ALCAM: variants seen among roughly 807,000 people sequenced by gnomAD.
The protein encoded by ALCAM is activated leukocyte cell adhesion molecule.
In ALCAM, 30 loss-of-function variants were observed where a neutral mutation model predicts 70.9. The observed-to-expected ratio is 0.42, with a 90% CI of 0.32 to 0.57. The LOEUF (loss-of-function observed/expected upper bound fraction) is 0.57, where lower values mean the gene tolerates loss of function less well. Among genes scored for constraint, ALCAM ranks in the 20% least tolerant of loss-of-function variants. The pLI, the probability that ALCAM is intolerant of heterozygous loss-of-function variation, is 0.11. For synonymous variants in ALCAM, 249 were observed against 242.5 expected (o/e 1.03, Z -0.25); for missense variants, 591 against 695.1 (o/e 0.85, Z 1.68).
intron 1 of ALCAM, chr3:105,439,367 A>C (rs1047202915): frequency 2.0e-5 from 3 of 152,164 alleles, no homozygotes; most frequent in African/African-American, 7.2e-5. Flanking sequence ...TGTGCAATTG[A>C]CATATGCCTC....
chr3:105,474,860 T>A (rs1938057825), intron 1 of ALCAM, among the ~76,000 whole-genome samples: 1 of 151,728 alleles, frequency 6.6e-6, no homozygotes, highest in African/African-American at 2.4e-5. Flanking sequence ...TTGTCACATA[T>A]AAAATGCTTT....
intron 1 of ALCAM, among the ~76,000 whole-genome samples, chr3:105,440,545 G>A (rs1295821602): frequency 6.6e-6 from 1 of 152,172 alleles, no homozygotes; most frequent in African/African-American, 2.4e-5. Flanking sequence ...TCAGGACTCA[G>A]CTAAGGCCCA....
chr3:105,437,744 C>T (rs1047546980), intron 1 of ALCAM, among the ~76,000 whole-genome samples: 6 of 151,784 alleles, frequency 4.0e-5, no homozygotes, highest in African/African-American at 1.5e-4. Flanking sequence ...TGAAATCTAC[C>T]CCAAAATTTA....
chr3:105,535,341 A>G (rs1193625171), intron 6 of ALCAM, among the ~76,000 whole-genome samples: 1 of 152,170 alleles, frequency 6.6e-6, no homozygotes, highest in Non-Finnish European at 1.5e-5. Flanking sequence ...TAACTTCATT[A>G]TTTTAGTTAG....
chr3:105,398,599 G>A (rs1052201468), intron 1 of ALCAM, among the ~76,000 whole-genome samples: 3 of 152,010 alleles, frequency 2.0e-5, no homozygotes, highest in African/African-American at 7.2e-5. Flanking sequence ...CAATAATTAA[G>A]ATGGATAGCA....
chr3:105,486,163 C>T (rs1378735930), intron 1 of ALCAM, among the ~76,000 whole-genome samples: 3 of 152,042 alleles, frequency 2.0e-5, no homozygotes, highest in Admixed American at 6.6e-5. Flanking sequence ...TTCCATGCTT[C>T]ATAAAATGGC....
At chr3:105,550,766 A>G (rs1324997245) in intron 12 of ALCAM, among the ~76,000 whole-genome samples, 1 of 151,608 alleles carries the variant, frequency 6.6e-6, no homozygotes, top group African/African-American at 2.4e-5. Context: ...TCATGAATCT[A>G]GTTTACAAAA....
intron 1 of ALCAM, among the ~76,000 whole-genome samples, chr3:105,479,485 T>C (rs115586133): frequency 0.012 from 1,786 of 152,292 alleles, 27 homozygotes; most frequent in African/African-American, 0.039. Context: ...AATATTTTAA[T>C]GACATGAAAA....
At chr3:105,502,530 C>A (rs183764203) in intron 1 of ALCAM, among the ~76,000 whole-genome samples, 6 of 152,180 alleles carry the variant, frequency 3.9e-5, no homozygotes, top group Non-Finnish European at 1.5e-5. Flanking sequence ...ATCAGCCAGG[C>A]AGCTGCAGGT....
At chr3:105,458,019 TC>T (rs1396867698) in intron 1 of ALCAM, among the ~76,000 whole-genome samples, 2 of 151,942 alleles carry the variant, frequency 1.3e-5, no homozygotes, top group South Asian at 2.1e-4. Flanking sequence ...TCATTATAAA[TC>T]TAAAAAACTA....
intron 1 of ALCAM, among the ~76,000 whole-genome samples, chr3:105,441,306 G>A (rs1937165027): frequency 6.6e-6 from 1 of 151,652 alleles, no homozygotes; most frequent in Non-Finnish European, 1.5e-5. Flanking sequence ...TTAACTAAAT[G>A]GTCTGAACAG....
chr3:105,465,061 A>C (rs1937676492), intron 1 of ALCAM, among the ~76,000 whole-genome samples: 1 of 151,488 alleles, frequency 6.6e-6, no homozygotes, highest in Non-Finnish European at 1.5e-5. Flanking sequence ...GTGATAATGA[A>C]ATAAATGAGA....
At chr3:105,390,069 A>T (rs1935774945) in intron 1 of ALCAM, among the ~76,000 whole-genome samples, 1 of 151,718 alleles carries the variant, frequency 6.6e-6, no homozygotes, top group African/African-American at 2.4e-5. Context: ...ATCTTTATAA[A>T]CAGAATGATG....
intron 1 of ALCAM, among the ~76,000 whole-genome samples, chr3:105,464,289 A>G (rs1937654235): frequency 1.3e-5 from 2 of 151,338 alleles, no homozygotes; most frequent in South Asian, 4.1e-4. Context: ...ATATTTTTAT[A>G]TTGTGCATAA....
intron 1 of ALCAM, among the ~76,000 whole-genome samples, chr3:105,462,649 A>G (rs1018386676): frequency 6.6e-6 from 1 of 151,472 alleles, no homozygotes; most frequent in African/African-American, 2.4e-5. Flanking sequence ...TCAAGTGTTC[A>G]TTGCCCATAG....
chr3:105,563,996 TTTAA>T (rs1940689980), intron 14 of ALCAM, among the ~76,000 whole-genome samples: 3 of 152,186 alleles, frequency 2.0e-5, no homozygotes, highest in African/African-American at 7.2e-5. Flanking sequence ...CCATTTCTTA[TTTAA>T]TTCTTTTTTG....
At chr3:105,532,125 G>T in intron 4 of ALCAM, 59 bp downstream of exon 4, 1 of 1,381,516 alleles carries the variant, frequency 7.2e-7, no homozygotes, top group South Asian at 1.2e-5. Flanking sequence ...GCCTTCTTCT[G>T]ACCTTACATT....
chr3:105,369,554 C>T (rs775315256), intron 1 of ALCAM, among the ~76,000 whole-genome samples: 1 of 151,954 alleles, frequency 6.6e-6, no homozygotes, highest in Non-Finnish European at 1.5e-5. Flanking sequence ...CTAAAGGCGC[C>T]GTGTCTACAC....
intron 1 of ALCAM, among the ~76,000 whole-genome samples, chr3:105,444,442 A>G (rs1937249854): frequency 6.6e-6 from 1 of 152,124 alleles, no homozygotes; most frequent in Non-Finnish European, 1.5e-5. Flanking sequence ...GCATGGGAGA[A>G]ACCACCCCCA....
Sources: allele counts gnomAD v4.1 joint callset (sites outside exome capture counted in the v4.1 genomes callset), GRCh38; gene constraint gnomAD v4.1.1; transcripts MANE v1.5; gene names NCBI Gene and HGNC (gene_info 2026-07-23, HGNC 2026-07-21).